GABRB3: variants seen among roughly 807,000 people sequenced by gnomAD.
GABRB3 encodes gamma-aminobutyric acid type A receptor subunit beta3, also known as gamma-aminobutyric acid receptor subunit beta-3.
In GABRB3, 14 loss-of-function variants were observed where a neutral mutation model predicts 52.1. That is an observed-to-expected ratio of 0.27 (90% confidence interval 0.18 to 0.42). GABRB3 has a LOEUF of 0.42. Ranked by LOEUF, GABRB3 falls within the 10% of genes least tolerant of loss-of-function variation. GABRB3 has a pLI of 1.00. For synonymous variants in GABRB3, 260 were observed against 232.3 expected (o/e 1.12, Z -1.08); for missense variants, 307 against 609.1 (o/e 0.50, Z 5.22).
In GABRB3 at chr15:26,772,388, G is replaced by T; in HGVS notation, c.240+14C>A. The T allele has an allele frequency of 6.2e-7, 1 of 1,604,446 alleles. No individual in the cohort carries two copies. Among genetic ancestry groups the T allele is most frequent in the Non-Finnish European group, 8.5e-7 (1 of 1,175,296 alleles). On this transcript the variant is annotated intron_variant, in intron 3 of 8. Transcript: ENST00000311550. ...CGGGGGCTCAGGGACCGCCCTGGGA[G>T]GGCGGGCACTCACCATGTTGACTTC...
chr15:26,604,649 A>G (rs1891711912), intron 4 of GABRB3, among the ~76,000 whole-genome samples: 1 of 152,208 alleles, frequency 6.6e-6, no homozygotes, highest in South Asian at 2.1e-4. Context: ...CAAAGCTGCC[A>G]TGATATACAC....
In GABRB3 at chr15:26,672,020, T is replaced by C. The variant is rs572798336; in HGVS notation, c.241-50486A>G. Among the ~76,000 whole-genome samples the C allele has an allele frequency of 2.6e-5, 4 of 152,288 alleles. No individual in the cohort carries two copies. The Middle Eastern group carries it at 0.014, about 518-fold the overall frequency. ...AAACAATGGGTCATACCGAGAAAAA[T>C]TTGGAATAATTACCCTGTATCCTTC... is the stretch of plus-strand genomic sequence containing the variant. On this transcript the variant is annotated intron_variant, in intron 3 of 8. Coordinates refer to ENST00000311550, the MANE Select transcript of GABRB3 (RefSeq NM_000814.6).
intron 3 of GABRB3, among the ~76,000 whole-genome samples, chr15:26,755,382 C>A (rs1325341333): frequency 1.3e-5 from 2 of 151,988 alleles, no homozygotes; most frequent in African/African-American, 2.4e-5. Context: ...AGATTTACTG[C>A]GGAAATTAGA....
chr15:26,654,382 G>A (rs1198420022), intron 3 of GABRB3, among the ~76,000 whole-genome samples: 2 of 152,174 alleles, frequency 1.3e-5, no homozygotes, highest in East Asian at 3.9e-4. Flanking sequence ...TCCTGACCTT[G>A]TGATCTGCCT....
At chr15:26,713,994 ACT>A (rs1889388113) in intron 3 of GABRB3, among the ~76,000 whole-genome samples, 1 of 152,154 alleles carries the variant, frequency 6.6e-6, no homozygotes, top group Non-Finnish European at 1.5e-5. Context: ...TGAGGTGACC[ACT>A]CTGGCAGAGA....
intron 8 of GABRB3, among the ~76,000 whole-genome samples, chr15:26,560,377 G>C (rs1271895383): frequency 6.6e-6 from 1 of 152,156 alleles, no homozygotes. Context: ...GCTCCATGTT[G>C]ACCCTCTCCC....
chr15:26,770,584 G>A (rs1300110097), intron 3 of GABRB3, among the ~76,000 whole-genome samples: 1 of 152,160 alleles, frequency 6.6e-6, no homozygotes, highest in African/African-American at 2.4e-5. Flanking sequence ...AATATGTGAT[G>A]GTGTGCAACA....
intron 6 of GABRB3, among the ~76,000 whole-genome samples, chr15:26,573,609 C>T (rs1005398639): frequency 6.6e-6 from 1 of 152,126 alleles, no homozygotes; most frequent in Non-Finnish European, 1.5e-5. Flanking sequence ...AAAATCAAGG[C>T]AAGAACACCA....
intron 3 of GABRB3, among the ~76,000 whole-genome samples, chr15:26,662,844 T>C (rs1305687682): frequency 2.6e-5 from 4 of 152,204 alleles, no homozygotes; most frequent in African/African-American, 9.6e-5. Context: ...CTTTTAGTGT[T>C]AGCATTCTTC....
intron 3 of GABRB3, among the ~76,000 whole-genome samples, chr15:26,697,490 G>C (rs1036135): frequency 0.42 from 63,349 of 151,850 alleles, 13,947 homozygotes; most frequent in African/African-American, 0.56. Flanking sequence ...AGAGTGGCCT[G>C]TCTCCTTCCC....
At chr15:26,637,884 C>T (rs980217969) in intron 3 of GABRB3, among the ~76,000 whole-genome samples, 4 of 152,158 alleles carry the variant, frequency 2.6e-5, no homozygotes, top group African/African-American at 4.8e-5. Flanking sequence ...GCTTGGAGGA[C>T]TTGCCTAGTC....
At chr15:26,741,105 A>G (rs1284467666) in intron 3 of GABRB3, among the ~76,000 whole-genome samples, 1 of 151,876 alleles carries the variant, frequency 6.6e-6, no homozygotes, top group Non-Finnish European at 1.5e-5. Context: ...TTATACAAGC[A>G]CATAGCAAAA....
At chr15:26,725,067 G>A (rs1211245982) in intron 3 of GABRB3, among the ~76,000 whole-genome samples, 1 of 152,158 alleles carries the variant, frequency 6.6e-6, no homozygotes, top group Non-Finnish European at 1.5e-5. Context: ...TGAACACAAT[G>A]CCATTTCTAA....
chr15:26,678,351 C>T (rs1017567611), intron 3 of GABRB3, among the ~76,000 whole-genome samples: 1 of 152,154 alleles, frequency 6.6e-6, no homozygotes. Flanking sequence ...TTCAGGCTCC[C>T]GACAATGTTG....
chr15:26,744,759 C>G (rs1890293643), intron 3 of GABRB3, among the ~76,000 whole-genome samples: 1 of 152,184 alleles, frequency 6.6e-6, no homozygotes, highest in South Asian at 2.1e-4. Context: ...CTTGAATAAT[C>G]AGTATCAAAC....
At chr15:26,692,132 T>C (rs1888606530) in intron 3 of GABRB3, among the ~76,000 whole-genome samples, 1 of 152,328 alleles carries the variant, frequency 6.6e-6, no homozygotes, top group East Asian at 1.9e-4. Flanking sequence ...ACTTCTCACA[T>C]TGATCAACTC....
At chr15:26,716,686 A>G (rs1018032194) in intron 3 of GABRB3, 301 of 1,006,456 alleles carry the variant, frequency 3.0e-4, no homozygotes, top group Non-Finnish European at 3.4e-4. Context: ...GAATCATCCA[A>G]TTATTTTTAT....
chr15:26,694,382 A>G (rs926837261), intron 3 of GABRB3, among the ~76,000 whole-genome samples: 9 of 152,226 alleles, frequency 5.9e-5, no homozygotes, highest in Admixed American at 1.3e-4. Flanking sequence ...ATACCTTACC[A>G]TGACCCCAAC....
chr15:26,552,346 G>A (rs1889505295), intron 8 of GABRB3, among the ~76,000 whole-genome samples: 1 of 152,176 alleles, frequency 6.6e-6, no homozygotes, highest in Non-Finnish European at 1.5e-5. Context: ...CTTTCCACGG[G>A]ATGATTAGCA....
Sources: gnomAD v4.1 joint callset for allele counts (sites outside exome capture counted in the v4.1 genomes callset) on GRCh38, gnomAD v4.1.1 for gene constraint, MANE v1.5 for transcripts, NCBI Gene and HGNC (gene_info 2026-07-23, HGNC 2026-07-21) for gene names.